Variants in OSBPL9 observed in about 807,000 individuals in gnomAD.
OSBPL9 encodes oxysterol binding protein like 9.
In OSBPL9, 40 loss-of-function variants were observed where a neutral mutation model predicts 106.6. The observed-to-expected ratio is 0.38, with a 90% CI of 0.29 to 0.49. OSBPL9 has a LOEUF of 0.49. Among genes scored for constraint, OSBPL9 ranks in the 20% least tolerant of loss-of-function variants. OSBPL9 has a pLI of 0.97. For missense variants in OSBPL9, 609 were observed against 887.2 expected, an observed-to-expected ratio of 0.69 and a Z score of 3.98; for synonymous variants, 269 against 295.4, an observed-to-expected ratio of 0.91 and a Z score of 0.92.
intron 17 of OSBPL9, among the ~76,000 whole-genome samples, chr1:51,783,709 AG>A (rs1676939021): frequency 6.6e-6 from 1 of 152,152 alleles, no homozygotes; most frequent in African/African-American, 2.4e-5. Flanking sequence ...GCATCATTTC[AG>A]GGATGATCCT....
chr1:51,719,292 C>G (rs1368957361), intron 4 of OSBPL9, among the ~76,000 whole-genome samples: 4 of 152,142 alleles, frequency 2.6e-5, no homozygotes, highest in African/African-American at 9.7e-5. Context: ...CTTATGGTAT[C>G]TTTTCATGTC....
the OSBPL9 span, among the ~76,000 whole-genome samples, chr1:51,570,020 G>T: frequency 6.6e-6 from 1 of 152,292 alleles, no homozygotes; most frequent in Non-Finnish European, 1.5e-5. Context: ...AGCCACGTTT[G>T]TCTGATTCTT....
chr1:51,660,128 A>ATATGAAAAAAAGAAGAT (rs1553159818), intron 2 of OSBPL9, among the ~76,000 whole-genome samples: 1 of 152,162 alleles, frequency 6.6e-6, no homozygotes, highest in Non-Finnish European at 1.5e-5. Context: ...TTGGGTGTCC[A>ATATGAAAAAAAGAAGAT]TATGAAAAAA....
intron 1 of OSBPL9, among the ~76,000 whole-genome samples, chr1:51,586,986 C>T (rs1645250824): frequency 6.6e-6 from 1 of 152,206 alleles, no homozygotes; most frequent in Admixed American, 6.5e-5. Context: ...CCATCCTAGC[C>T]TCTCAGTTTC....
chr1:51,551,891 C>A, the OSBPL9 span, among the ~76,000 whole-genome samples: 6 of 151,766 alleles, frequency 4.0e-5, no homozygotes. Flanking sequence ...CCGTGTCCAG[C>A]CTTCCAACAG....
At position 51,756,343 on chromosome 1, in the gene OSBPL9, C is replaced by T. The variant is rs370193883; in HGVS notation, c.567C>T (p.His189=). The T allele has an allele frequency of 2.3e-5, 37 of 1,613,040 alleles. No individual in the cohort carries two copies. The highest frequency in any genetic ancestry group is 1.1e-4 in the African/African-American group (8 of 74,978). Residue 189 remains histidine (H), a synonymous_variant, in exon 9 of 24, where the codon CAC becomes CAT. Transcript: ENST00000428468. ...IAKDQSNAEK[H]ADGMISTINP... is the part of the protein sequence containing the mutation. The stretch of plus-strand genomic sequence containing the variant: ...AGGACCAGAGTAATGCGGAGAAGCA[C>T]GCAGATGGAATGATAGTAAGTTTAA...
chr1:51,725,294 T>C (rs1028203599), intron 4 of OSBPL9, among the ~76,000 whole-genome samples: 1 of 152,168 alleles, frequency 6.6e-6, no homozygotes, highest in Non-Finnish European at 1.5e-5. Context: ...TTTCTTAAAA[T>C]TTCTGTCTTT....
intron 2 of OSBPL9, among the ~76,000 whole-genome samples, chr1:51,668,107 C>T (rs1648950640): frequency 6.6e-6 from 1 of 152,150 alleles, no homozygotes; most frequent in Non-Finnish European, 1.5e-5. Flanking sequence ...CCCCTTGAGT[C>T]ATTTCAACTC....
At chr1:51,783,270 G>A (rs1676811020) in intron 17 of OSBPL9, among the ~76,000 whole-genome samples, 1 of 151,940 alleles carries the variant, frequency 6.6e-6, no homozygotes, top group South Asian at 2.1e-4. Flanking sequence ...AGCCTCCTGG[G>A]CTCACATGAT....
chr1:51,736,247 C>T (rs80128589), intron 4 of OSBPL9, among the ~76,000 whole-genome samples: 1,816 of 152,266 alleles, frequency 0.012, 38 homozygotes, highest in African/African-American at 0.042. Context: ...ATTTTGTATG[C>T]ACTTTTTAAC....
chr1:51,777,907 C>T (rs2149128807), intron 15 of OSBPL9, among the ~76,000 whole-genome samples: 1 of 152,232 alleles, frequency 6.6e-6, no homozygotes, highest in South Asian at 2.1e-4. Flanking sequence ...AATCCCAGCA[C>T]TTTGGGAGGC....
In OSBPL9 at chr1:51,729,732, G is replaced by A; in HGVS notation, c.318+15653G>A. ...CAGGTGACCCATGGCCAATCGCCAG[G>A]GGTCTCTTTGCCAGGAGCCGCCAGG... On this transcript the variant is annotated intron_variant, in intron 4 of 23. Transcript: ENST00000428468. The surrounding 1 kb of genome is among the most constrained non-coding windows in gnomAD (Gnocchi z 5.1). 1.0e-6 allele frequency: 1 copy of A among 957,446 alleles called. No individual in the cohort carries two copies. The allele number at this position is 957,446 out of a possible 1,614,324, so 59.3% of individuals were successfully genotyped here.
chr1:51,783,343 TTTC>T (rs1676829155), intron 17 of OSBPL9, among the ~76,000 whole-genome samples: 1 of 150,694 alleles, frequency 6.6e-6, no homozygotes, highest in Admixed American at 6.6e-5. Context: ...CCCAACTAAT[TTTC>T]TTATTTTTTT....
Position 51,788,301 on chromosome 1 carries a change from C to T in OSBPL9, c.*512C>T, listed in dbSNP as rs1678193483. 1 of 152,786 alleles carries T rather than the reference C, an allele frequency of 6.5e-6. No individual in the cohort carries two copies. Among genetic ancestry groups the T allele is most frequent in the Non-Finnish European group, 1.5e-5 (1 of 68,276 alleles). The allele number at this position is 152,786 out of a possible 1,614,324, so 9.5% of individuals were successfully genotyped here. A position where few individuals can be genotyped will look rare whatever the true frequency, so the allele number is the denominator to read the frequency against. ...TCTGAGTTGTTTTAGAAAATTAGCG[C>T]AATGTATTAAAATCAAGTGTTAGGA... On this transcript the variant is annotated 3_prime_UTR_variant, in exon 24 of 24. Transcript: ENST00000428468.
intron 2 of OSBPL9, among the ~76,000 whole-genome samples, chr1:51,657,197 A>C (rs891860690): frequency 2.0e-5 from 3 of 152,222 alleles, no homozygotes; most frequent in Admixed American, 6.5e-5. Flanking sequence ...GTTTGCATAC[A>C]AAAGAACTGT....
chr1:51,728,890 A>G (rs1663644845), intron 4 of OSBPL9, among the ~76,000 whole-genome samples: 1 of 152,120 alleles, frequency 6.6e-6, no homozygotes, highest in South Asian at 2.1e-4. Flanking sequence ...TAGAGACATA[A>G]AAGTACAAAA....
chr1:51,525,094 GT>G, the OSBPL9 span, among the ~76,000 whole-genome samples: 1 of 152,210 alleles, frequency 6.6e-6, no homozygotes, highest in Non-Finnish European at 1.5e-5. Context: ...AAGACTTCAA[GT>G]GATGAGGAAA....
the OSBPL9 span, among the ~76,000 whole-genome samples, chr1:51,544,218 A>G: frequency 1.3e-5 from 2 of 152,200 alleles, no homozygotes; most frequent in African/African-American, 4.8e-5. Flanking sequence ...ATGTGAAGCT[A>G]GCTGTGGTGG....
Position 51,765,991 on chromosome 1 carries a change from T to C in OSBPL9, c.938+10T>C. On this transcript the variant is annotated intron_variant, in intron 12 of 23. Coordinates refer to ENST00000428468, the MANE Select transcript of OSBPL9 (RefSeq NM_024586.6). ...CAAAGCGCTTAATAGAGTGAGTAGA[T>C]GAACAGAATATGTATTTAAATGATT... 6.3e-7 allele frequency: 1 copy of C among 1,594,596 alleles called. No individual in the cohort carries two copies.
Sources: gnomAD v4.1 joint callset for allele counts (sites outside exome capture counted in the v4.1 genomes callset) on GRCh38, gnomAD v4.1.1 for gene constraint, Gnocchi (gnomAD v3.1) non-coding constraint, MANE v1.5 for transcripts, NCBI Gene and HGNC (gene_info 2026-07-23, HGNC 2026-07-21) for gene names.